The following DBX2 variants were observed in gnomAD, a reference collection of about 807,000 sequenced individuals.
DBX2 encodes the protein homeobox protein DBX2.
A neutral mutation model predicts 17.7 loss-of-function variants in DBX2; 16 were observed. That is an observed-to-expected ratio of 0.90 (90% CI 0.61 to 1.37). DBX2 has a LOEUF of 1.37. DBX2 is among the 40% of genes most tolerant of loss of function. DBX2 has a pLI of 0.00. For synonymous variants in DBX2, 255 were observed against 183.8 expected, an observed-to-expected ratio of 1.39 and a Z score of -3.13; for missense variants, 538 against 433.8, an observed-to-expected ratio of 1.24 and a Z score of -2.13.
chr12:45,050,421 G>C (rs1270648673), intron 1 of DBX2, 104 bp downstream of exon 1: 1 of 1,432,198 alleles, frequency 7.0e-7, no homozygotes, highest in Non-Finnish European at 9.2e-7. Context: ...TTCCCAAACC[G>C]GCTCTCCCTG....
chr12:45,030,857 A>G (rs569209962), intron 2 of DBX2, among the ~76,000 whole-genome samples: 1 of 152,300 alleles, frequency 6.6e-6, no homozygotes, highest in Non-Finnish European at 1.5e-5. Flanking sequence ...TACCAATAAC[A>G]CTTTCAGAAA....
chr12:45,023,033 T>A (rs1946361972), intron 3 of DBX2, among the ~76,000 whole-genome samples: 1 of 152,220 alleles, frequency 6.6e-6, no homozygotes, highest in Non-Finnish European at 1.5e-5. Context: ...TAAGGAGGGT[T>A]AAATAGGAAA....
At position 45,016,386 on chromosome 12, in the gene DBX2, G is replaced by A; in HGVS notation, c.920C>T (p.Ser307Leu). 1 of 1,613,900 alleles carries A rather than the reference G, an allele frequency of 6.2e-7. No individual in the cohort carries two copies. The highest frequency in any genetic ancestry group is 8.5e-7 in the Non-Finnish European group (1 of 1,179,936). ...ATTTGCTTCTGGGGGTGGTGCCCCT[G>A]AACTCTCCTGGATTAGTCTTTCTGA... Reference protein sequence around the residue: ...EPSERLIQESSGAPPPEANSL... With the variant: ...EPSERLIQESLGAPPPEANSL... The change falls in exon 4 of 4, where the codon TCA becomes TTA. Residue 307 changes from serine (S) to leucine (L), a missense_variant. By Grantham distance (145) the Ser-to-Leu change is moderately radical. Transcript: ENST00000332700.
intron 1 of DBX2, among the ~76,000 whole-genome samples, chr12:45,047,405 G>A (rs1946506003): frequency 6.6e-6 from 1 of 151,948 alleles, no homozygotes; most frequent in Non-Finnish European, 1.5e-5. Context: ...TGCCCTAAAT[G>A]TGCCCCTCCC....
In DBX2 at chr12:45,023,735, GC is replaced by G; in HGVS notation, c.658del (p.Ala220ProfsTer6). On this transcript the variant is annotated frameshift_variant, in exon 3 of 4. Coordinates refer to ENST00000332700, the MANE Select transcript of DBX2 (RefSeq NM_001004329.3). LOFTEE classifies it low-confidence loss of function (END_TRUNC). Reference sequence around the variant, plus strand: ...TGATTCCTTTAGTCCCAAGTTGATGGCAAGTTTCTTTCGGTCTGTTTTGCTG... The same window carrying G: ...TGATTCCTTTAGTCCCAAGTTGATGGAAGTTTCTTTCGGTCTGTTTTGCTG... ...YISKTDRKKL[A>X]INLGLKESQV... 1 of 1,613,970 alleles carries G rather than the reference GC, an allele frequency of 6.2e-7. No homozygotes were observed. Among genetic ancestry groups the G allele is most frequent in the Non-Finnish European group, 8.5e-7 (1 of 1,179,972 alleles).
rs1946526059 is a variant in DBX2, at chr12:45,050,625, C to T, written c.303G>A (p.Thr101=). Residue 101 remains threonine, a synonymous_variant, in exon 1 of 4, where the codon ACG becomes ACA. Coordinates refer to ENST00000332700, the MANE Select transcript of DBX2 (RefSeq NM_001004329.3). ...QVSPAGAPYG[T]RWAFQVLSPS... ...GACTGAGCACTTGAAAAGCCCACCGCGTTCCGTAGGGCGCCCCGGCGGGGC... is the reference window on the plus strand; with the variant it reads ...GACTGAGCACTTGAAAAGCCCACCGTGTTCCGTAGGGCGCCCCGGCGGGGC... 1.3e-6 allele frequency: 2 copies of T among 1,550,232 alleles called. No homozygotes were observed. The highest frequency in any genetic ancestry group is 2.0e-5 in the Admixed American group (1 of 51,088).
In DBX2 at chr12:45,039,916, A is replaced by G. The variant is rs577259940; in HGVS notation, c.404-3802T>C. ...TGGCCTTTCCTCTGGAAAAAAATAT[A>G]AACAGTTCAGGTTCTACAGCATGAC... On this transcript the variant is annotated intron_variant, in intron 1 of 3. Transcript: ENST00000332700. Among the ~76,000 whole-genome samples, 5 of 152,258 alleles carry G rather than the reference A, an allele frequency of 3.3e-5. No individual in the cohort carries two copies. The East Asian group carries it at 9.6e-4, about 29-fold the overall frequency.
At chr12:45,042,530 G>A (rs748515163) in intron 1 of DBX2, among the ~76,000 whole-genome samples, 1 of 152,148 alleles carries the variant, frequency 6.6e-6, no homozygotes, top group Non-Finnish European at 1.5e-5. Context: ...AAAGCCCCAC[G>A]GGTGAACATT....
intron 2 of DBX2, among the ~76,000 whole-genome samples, chr12:45,032,001 C>A (rs1487984601): frequency 6.6e-6 from 1 of 151,808 alleles, no homozygotes; most frequent in African/African-American, 2.4e-5. Flanking sequence ...TAAGCAGTTA[C>A]CCTCCCCCAC....
chr12:45,029,394 C>T (rs1359498968), intron 2 of DBX2, among the ~76,000 whole-genome samples: 4 of 152,176 alleles, frequency 2.6e-5, no homozygotes, highest in East Asian at 1.9e-4. Flanking sequence ...TTACCACCCT[C>T]GTTGTTTACA....
At chr12:45,035,795 T>C (rs1235864330) in intron 2 of DBX2, among the ~76,000 whole-genome samples, 1 of 152,174 alleles carries the variant, frequency 6.6e-6, no homozygotes, top group Non-Finnish European at 1.5e-5. Flanking sequence ...CTTTCGGTGA[T>C]GTGTCGGCCC....
At chr12:45,032,715 T>G (rs1034592676) in intron 2 of DBX2, among the ~76,000 whole-genome samples, 15 of 152,298 alleles carry the variant, frequency 9.8e-5, no homozygotes, top group Admixed American at 8.5e-4. Flanking sequence ...AGAAGAATAT[T>G]TGGCTCAAAT....
Position 45,050,648 on chromosome 12 carries a change from G to C in DBX2, c.280C>G (p.Pro94Ala), listed in dbSNP as rs200382293. ...CGCGTTCCGTAGGGCGCCCCGGCGG[G>C]GCTAACTTGTTCGGCTGCGGGGCAC... ...KLCPAAEQVS[P>A]AGAPYGTRWA... Residue 94 changes from proline (P) to alanine (A), a missense_variant, in exon 1 of 4, where the codon CCC becomes GCC. Transcript: ENST00000332700. 3.6e-3 allele frequency: 5,590 copies of C among 1,549,690 alleles called. 12 individuals are homozygous for C. The highest frequency in any genetic ancestry group is 4.5e-3 in the Non-Finnish European group (5,141 of 1,146,836).
chr12:45,047,157 G>C (rs1946504805), intron 1 of DBX2, among the ~76,000 whole-genome samples: 1 of 152,040 alleles, frequency 6.6e-6, no homozygotes, highest in Admixed American at 6.6e-5. Flanking sequence ...AAATCTTTCA[G>C]CATTTTACAT....
chr12:45,048,818 G>T (rs926566567), intron 1 of DBX2, among the ~76,000 whole-genome samples: 1 of 152,092 alleles, frequency 6.6e-6, no homozygotes, highest in Admixed American at 6.5e-5. Context: ...TTCAATGAGT[G>T]TTGAATAAAA....
At chr12:45,047,874 A>G (rs1371560600) in intron 1 of DBX2, among the ~76,000 whole-genome samples, 1 of 152,212 alleles carries the variant, frequency 6.6e-6, no homozygotes, top group East Asian at 1.9e-4. Context: ...ATAGTCATTG[A>G]GAAAAACAAC....
At chr12:45,031,862 C>T (rs1946412497) in intron 2 of DBX2, among the ~76,000 whole-genome samples, 1 of 152,104 alleles carries the variant, frequency 6.6e-6, no homozygotes, top group Admixed American at 6.5e-5. Flanking sequence ...CAGTCATTCT[C>T]CCCCTCCCCT....
intron 3 of DBX2, among the ~76,000 whole-genome samples, chr12:45,020,292 T>C (rs1946344973): frequency 6.6e-6 from 1 of 152,134 alleles, no homozygotes; most frequent in African/African-American, 2.4e-5. Flanking sequence ...TCATATAATA[T>C]GTGGTCCTTG....
chr12:45,036,334 C>A (rs1946441017), intron 1 of DBX2, among the ~76,000 whole-genome samples: 1 of 152,144 alleles, frequency 6.6e-6, no homozygotes, highest in Non-Finnish European at 1.5e-5. Context: ...GACTATGAAA[C>A]ACCAAGCTTC....
Sources: allele counts gnomAD v4.1 joint callset (sites outside exome capture counted in the v4.1 genomes callset), GRCh38; gene constraint gnomAD v4.1.1; transcripts MANE v1.5; gene names NCBI Gene and HGNC (gene_info 2026-07-23, HGNC 2026-07-21).